DNAJC5: variants seen among roughly 807,000 people sequenced by gnomAD.
The protein encoded by DNAJC5 is DnaJ heat shock protein family (Hsp40) member C5, also known as dnaJ homolog subfamily C member 5.
A neutral mutation model predicts 23.2 loss-of-function variants in DNAJC5; 1 was observed. The observed-to-expected ratio is 0.04, with a 90% confidence interval of 0.02 to 0.20. The LOEUF (loss-of-function observed/expected upper bound fraction) is 0.20, where lower values mean the gene tolerates loss of function less well. DNAJC5 is among the 10% of genes least tolerant of loss of function. The probability of loss-of-function intolerance (pLI) is 1.00; values close to 1 mark genes in which losing one functional copy is unlikely to be tolerated. For missense variants in DNAJC5, 180 were observed against 267.0 expected (o/e 0.67, Z 2.27); for synonymous variants, 136 against 120.0 (o/e 1.13, Z -0.87).
rs1404670075 is a variant in DNAJC5, at chr20:63,929,669, TC to T, written c.321+146del. 1 of 793,026 alleles carries T rather than the reference TC, an allele frequency of 1.3e-6. No homozygotes were observed. Among genetic ancestry groups the T allele is most frequent in the Non-Finnish European group, 2.1e-6 (1 of 484,632 alleles). The allele number at this position is 793,026 out of a possible 1,614,324, so 49.1% of individuals were successfully genotyped here. A position where few individuals can be genotyped will look rare whatever the true frequency, so the allele number is the denominator to read the frequency against. Reference sequence around the variant, plus strand: ...CCTGCCGTGCGGGCACCCGAGTCTCTCCTGCCGTGCGGGCACCCGAGTCACT... The same window carrying T: ...CCTGCCGTGCGGGCACCCGAGTCTCTCTGCCGTGCGGGCACCCGAGTCACT... On this transcript the variant is annotated intron_variant, in intron 3 of 4. Transcript: ENST00000360864. This position sits in a 1 kb window ranked among gnomAD's most constrained non-coding sequence, Gnocchi z 8.6.
At position 63,933,503 on chromosome 20, in the gene DNAJC5, A is replaced by G. The variant is rs1231638171; in HGVS notation, c.*1935A>G. The G allele has an allele frequency of 2.0e-5, 3 of 152,362 alleles. No individual in the cohort carries two copies. Among genetic ancestry groups the G allele is most frequent in the African/African-American group, 7.2e-5 (3 of 41,450 alleles). The allele number at this position is 152,362 out of a possible 1,614,324, so 9.4% of individuals were successfully genotyped here. Reference sequence around the variant, plus strand: ...GAAGACCTTTGACAAGAGGAGAGATATGCACTGTGATATTAAATTAGAAAT... The same window carrying G: ...GAAGACCTTTGACAAGAGGAGAGATGTGCACTGTGATATTAAATTAGAAAT... On this transcript the variant is annotated 3_prime_UTR_variant, in exon 5 of 5. Transcript: ENST00000360864.
intron 1 of DNAJC5, among the ~76,000 whole-genome samples, chr20:63,895,818 G>A (rs1393414376): frequency 1.3e-5 from 2 of 152,206 alleles, no homozygotes; most frequent in Non-Finnish European, 2.9e-5. Flanking sequence ...TTCCGACGTT[G>A]TAAATTCCAA....
chr20:63,917,582 G>A lies in DNAJC5; in HGVS notation c.-11-10753G>A, dbSNP rs973492544. 3.3e-5 allele frequency among the ~76,000 whole-genome samples: 5 copies of A among 151,514 alleles called. No homozygotes were observed. The South Asian group carries it at 8.3e-4, about 25-fold the overall frequency. On this transcript the variant is annotated intron_variant, in intron 1 of 4. Coordinates refer to ENST00000360864, the MANE Select transcript of DNAJC5 (RefSeq NM_025219.3). ...TATTATTATTTTTTTTTGAGATGGAGTCTTGCTCTGTCGCCCAGGCTGGAG... is the reference window on the plus strand; with the variant it reads ...TATTATTATTTTTTTTTGAGATGGAATCTTGCTCTGTCGCCCAGGCTGGAG...
In DNAJC5 at chr20:63,920,517, C is replaced by T. The variant is rs1329353665; in HGVS notation, c.-11-7818C>T. Among the ~76,000 whole-genome samples the T allele has an allele frequency of 6.6e-6, 1 of 152,114 alleles. No individual in the cohort carries two copies. Among genetic ancestry groups the T allele is most frequent in the Non-Finnish European group, 1.5e-5 (1 of 67,974 alleles). ...TGCCCTGGCGTAGGGAGGGAGGACA[C>T]GGGTCCCCGCCATTTCAGAAGCTCA... is the stretch of plus-strand genomic sequence containing the variant. On this transcript the variant is annotated intron_variant, in intron 1 of 4. Coordinates refer to ENST00000360864, the MANE Select transcript of DNAJC5 (RefSeq NM_025219.3). This position sits in a 1 kb window ranked among gnomAD's most constrained non-coding sequence, Gnocchi z 4.6.
At chr20:63,919,238 C>T (rs554631213) in intron 1 of DNAJC5, among the ~76,000 whole-genome samples, 6 of 152,346 alleles carry the variant, frequency 3.9e-5, no homozygotes, top group East Asian at 1.9e-4. Context: ...CTGCCGCAGG[C>T]GGAGATTTTT....
Position 63,934,191 on chromosome 20 carries a change from AG to A in DNAJC5, c.*2624del, listed in dbSNP as rs1239813153. On this transcript the variant is annotated 3_prime_UTR_variant, in exon 5 of 5. Coordinates refer to ENST00000360864, the MANE Select transcript of DNAJC5 (RefSeq NM_025219.3). ...AGGCTTTGTCTTAATTTAAGGAAAA[AG>A]ATCCTCCCGGGTTTTATTTCTCTCT... 1 of 152,192 alleles carries A rather than the reference AG, an allele frequency of 6.6e-6. No homozygotes were observed. Among genetic ancestry groups the A allele is most frequent in the Non-Finnish European group, 1.5e-5 (1 of 68,038 alleles). 9.4% of individuals were successfully genotyped at this position (152,192 alleles called of 1,614,324 possible).
intron 1 of DNAJC5, among the ~76,000 whole-genome samples, chr20:63,916,724 C>T (rs1320875486): frequency 6.6e-6 from 1 of 152,152 alleles, no homozygotes; most frequent in Non-Finnish European, 1.5e-5. Context: ...GTCCTTATCT[C>T]AACCACATAA....
In DNAJC5 at chr20:63,920,326, C is replaced by T. The variant is rs187305839; in HGVS notation, c.-11-8009C>T. On this transcript the variant is annotated intron_variant, in intron 1 of 4. Coordinates refer to ENST00000360864, the MANE Select transcript of DNAJC5 (RefSeq NM_025219.3). This position sits in a 1 kb window ranked among gnomAD's most constrained non-coding sequence, Gnocchi z 4.6. ...CGGCACTCTGTGCTCTGTGTCTGCC[C>T]GGGAACAGGTAGTCCTGCGTCGGAC... Among the ~76,000 whole-genome samples, 204 of 152,348 alleles carry T rather than the reference C, an allele frequency of 1.3e-3. No individual in the cohort carries two copies. Among genetic ancestry groups the T allele is most frequent in the Admixed American group, 2.4e-3 (37 of 15,298 alleles).
At chr20:63,924,621 A>AG (rs150321378) in intron 1 of DNAJC5, among the ~76,000 whole-genome samples, 2,697 of 152,178 alleles carry the variant, frequency 0.018, 80 homozygotes, top group African/African-American at 0.062. Flanking sequence ...TGGGAGGCCG[A>AG]GGGGGGGATT....
At position 63,920,567 on chromosome 20, in the gene DNAJC5, G is replaced by A. The variant is rs1342997265; in HGVS notation, c.-11-7768G>A. 6.6e-6 allele frequency among the ~76,000 whole-genome samples: 1 copy of A among 152,268 alleles called. No individual in the cohort carries two copies. Among genetic ancestry groups the A allele is most frequent in the East Asian group, 1.9e-4 (1 of 5,208 alleles). ...AGCGTCCCTGCACGTGTGCGGTCTT[G>A]TCTGCCTAGGCATGTGTGCGGGCCC... On this transcript the variant is annotated intron_variant, in intron 1 of 4. Transcript: ENST00000360864. This position sits in a 1 kb window ranked among gnomAD's most constrained non-coding sequence, Gnocchi z 4.6.
chr20:63,906,808 A>G (rs1245630483), intron 1 of DNAJC5, among the ~76,000 whole-genome samples: 1 of 151,988 alleles, frequency 6.6e-6, no homozygotes, highest in African/African-American at 2.4e-5. Context: ...TTAATTAATT[A>G]AAATATGACA....
intron 1 of DNAJC5, among the ~76,000 whole-genome samples, chr20:63,899,951 C>T (rs187664180): frequency 3.6e-5 from 5 of 137,980 alleles, no homozygotes; most frequent in East Asian, 2.2e-4. Flanking sequence ...TACAACGGTA[C>T]GGTTTCCGCT....
intron 1 of DNAJC5, among the ~76,000 whole-genome samples, chr20:63,921,930 C>T (rs1017241739): frequency 1.4e-4 from 22 of 152,024 alleles, no homozygotes; most frequent in African/African-American, 5.3e-4. Context: ...AGATGCACAC[C>T]GTCACACCCA....
At chr20:63,915,139 G>T (rs2053507726) in intron 1 of DNAJC5, among the ~76,000 whole-genome samples, 2 of 152,136 alleles carry the variant, frequency 1.3e-5, no homozygotes, top group Non-Finnish European at 2.9e-5. Flanking sequence ...GCAGATAGGA[G>T]CTGGTCCGTA....
chr20:63,923,397 G>T (rs1324265702), intron 1 of DNAJC5, among the ~76,000 whole-genome samples: 1 of 151,344 alleles, frequency 6.6e-6, no homozygotes, highest in East Asian at 2.0e-4. Flanking sequence ...AGCCAAGATC[G>T]CACCACTGCA....
rs1411437683 is a variant in DNAJC5, at chr20:63,929,284, A to G, written c.108-28A>G. The G allele has an allele frequency of 6.2e-7, 1 of 1,601,690 alleles. No homozygotes were observed. Among genetic ancestry groups the G allele is most frequent in the East Asian group, 2.3e-5 (1 of 44,056 alleles). On this transcript the variant is annotated intron_variant, in intron 2 of 4. Coordinates refer to ENST00000360864, the MANE Select transcript of DNAJC5 (RefSeq NM_025219.3). This position sits in a 1 kb window ranked among gnomAD's most constrained non-coding sequence, Gnocchi z 8.6. ...GTGCGGGTGGAACAAAGTCCAGGGT[A>G]GAGCCAGGACATGGTTTTGGTTTGC...
intron 1 of DNAJC5, among the ~76,000 whole-genome samples, chr20:63,899,126 C>A (rs1214446067): frequency 2.6e-5 from 4 of 152,146 alleles, no homozygotes; most frequent in African/African-American, 9.7e-5. Context: ...CCCCTGCGTC[C>A]TGCTGGGAGA....
At chr20:63,927,565 T>A (rs934471010) in intron 1 of DNAJC5, among the ~76,000 whole-genome samples, 5 of 146,340 alleles carry the variant, frequency 3.4e-5, no homozygotes, top group Non-Finnish European at 7.5e-5. Flanking sequence ...AGAAAGAAAC[T>A]GTGTGTTCTC....
Position 63,930,968 on chromosome 20 carries a change from G to C in DNAJC5, c.439G>C (p.Glu147Gln). The C allele has an allele frequency of 6.2e-7, 1 of 1,614,166 alleles. No homozygotes were observed. The highest frequency in any genetic ancestry group is 8.5e-7 in the Non-Finnish European group (1 of 1,180,052). The part of the protein sequence containing the change: ...KPKAPEGEET[E>Q]FYVSPEDLEA... ...CAAGGCGCCTGAAGGCGAGGAGACG[G>C]AGTTCTACGTGTCCCCCGAGGATCT... is the stretch of plus-strand genomic sequence containing the variant. The change falls in exon 4 of 5, where the codon GAG becomes CAG. Residue 147 changes from glutamate to glutamine, a missense_variant. Glu to Gln is a conservative substitution (Grantham distance 29). Around this residue, in one of 3 missense-constraint regions of DNAJC5, gnomAD observed 97 missense variants for 123.4 expected, o/e 0.79. Transcript: ENST00000360864.
Sources: allele counts gnomAD v4.1 joint callset (sites outside exome capture counted in the v4.1 genomes callset), GRCh38; gene constraint gnomAD v4.1.1; regional missense constraint gnomAD v4.1.1; non-coding constraint Gnocchi (gnomAD v3.1); transcripts MANE v1.5; gene names NCBI Gene and HGNC (gene_info 2026-07-23, HGNC 2026-07-21).